HIBCH: variants seen among roughly 807,000 people sequenced by gnomAD.
The protein encoded by HIBCH is 3-hydroxyisobutyryl-CoA hydrolase.
A neutral mutation model predicts 58.2 loss-of-function variants in HIBCH; 50 were observed. That is an observed-to-expected ratio of 0.86 (90% CI 0.68 to 1.09). The LOEUF is 1.09. Among genes scored for constraint, HIBCH ranks in the 50% least tolerant of loss-of-function variants. HIBCH has a pLI of 0.00. For missense variants in HIBCH, 450 were observed against 449.7 expected, an observed-to-expected ratio of 1.00 and a Z score of -0.01; for synonymous variants, 151 against 146.9, an observed-to-expected ratio of 1.03 and a Z score of -0.20.
At chr2:190,299,504 T>TAG (rs1553506570) in intron 2 of HIBCH, among the ~76,000 whole-genome samples, 2 of 151,442 alleles carry the variant, frequency 1.3e-5, no homozygotes, top group South Asian at 4.2e-4. Flanking sequence ...CAAAGTCTGA[T>TAG]ACACACACAC....
chr2:190,202,300 C>T (rs539719164), downstream of HIBCH: 2 of 167,140 alleles, frequency 1.2e-5, no homozygotes, highest in Admixed American at 1.3e-4. Flanking sequence ...TACAATATTT[C>T]TGAAACACTT....
chr2:190,194,687 T>C (rs1421096904), intron 1 of HIBCH, among the ~76,000 whole-genome samples: 2 of 152,230 alleles, frequency 1.3e-5, no homozygotes, highest in Non-Finnish European at 2.9e-5. Flanking sequence ...TTCCACCTAT[T>C]CATCTCAGCC....
intron 1 of HIBCH, among the ~76,000 whole-genome samples, chr2:190,314,628 G>A (rs1005264373): frequency 9.2e-5 from 14 of 151,704 alleles, no homozygotes; most frequent in Admixed American, 2.6e-4. Flanking sequence ...GCAGGCATGC[G>A]TCACCACACC....
At chr2:190,258,320 T>C (rs896596939) in intron 7 of HIBCH, among the ~76,000 whole-genome samples, 1 of 152,162 alleles carries the variant, frequency 6.6e-6, no homozygotes, top group Non-Finnish European at 1.5e-5. Context: ...CCTCTTTTCT[T>C]CATAAATTAC....
At chr2:190,258,099 G>A (rs1229148502) in intron 7 of HIBCH, among the ~76,000 whole-genome samples, 12 of 152,186 alleles carry the variant, frequency 7.9e-5, no homozygotes, top group African/African-American at 2.4e-4. Flanking sequence ...GGGTCATGGG[G>A]GCAGATTTCC....
intron 1 of HIBCH, among the ~76,000 whole-genome samples, chr2:190,191,660 A>G (rs1023847023): frequency 6.6e-6 from 1 of 152,176 alleles, no homozygotes; most frequent in Non-Finnish European, 1.5e-5. Flanking sequence ...TACCCATTCT[A>G]ACAGCTACAT....
chr2:190,224,450 C>T (rs1017179364), intron 11 of HIBCH, among the ~76,000 whole-genome samples: 2 of 151,916 alleles, frequency 1.3e-5, no homozygotes, highest in Non-Finnish European at 2.9e-5. Context: ...ATCTACCAAG[C>T]AAATGGAAAA....
In HIBCH at chr2:190,210,710, C is replaced by T. The variant is rs1304212300; in HGVS notation, c.1012-1797G>A. On this transcript the variant is annotated intron_variant, in intron 12 of 13. Coordinates refer to ENST00000359678, the MANE Select transcript of HIBCH (RefSeq NM_014362.4). The surrounding 1 kb of genome is among the most constrained non-coding windows in gnomAD (Gnocchi z 5.5). ...CTCACCACAACCTCTGCCCCCCATC[C>T]GCTTCCACACGGCCTCTTTGTGGTC... Among the ~76,000 whole-genome samples, 2 of 152,104 alleles carry T rather than the reference C, an allele frequency of 1.3e-5. No individual in the cohort carries two copies. Among genetic ancestry groups the T allele is most frequent in the Admixed American group, 6.5e-5 (1 of 15,274 alleles).
intron 2 of HIBCH, among the ~76,000 whole-genome samples, chr2:190,305,792 G>A (rs2124848132): frequency 6.6e-6 from 1 of 152,072 alleles, no homozygotes; most frequent in Middle Eastern, 3.4e-3. Flanking sequence ...ATAAAGTCAG[G>A]TAATAAAATA....
intron 2 of HIBCH, among the ~76,000 whole-genome samples, chr2:190,299,064 A>G (rs1688189503): frequency 1.3e-5 from 2 of 152,188 alleles, no homozygotes; most frequent in Non-Finnish European, 2.9e-5. Context: ...TTCTTAACAC[A>G]TTCCTTTATG....
chr2:190,311,422 C>T (rs969618088), intron 1 of HIBCH, among the ~76,000 whole-genome samples: 2 of 152,126 alleles, frequency 1.3e-5, no homozygotes, highest in Non-Finnish European at 1.5e-5. Flanking sequence ...TTTCCATCAA[C>T]TTATAACTAC....
chr2:190,311,823 A>G (rs1193762283), intron 1 of HIBCH, among the ~76,000 whole-genome samples: 1 of 152,352 alleles, frequency 6.6e-6, no homozygotes, highest in South Asian at 2.1e-4. Context: ...AGCAGGCTAC[A>G]AAACAATAAA....
chr2:190,202,877 G>A (rs764743731), downstream of HIBCH: 10 of 167,010 alleles, frequency 6.0e-5, no homozygotes, highest in East Asian at 3.9e-4. Context: ...CCCAGTTGTC[G>A]CTTATGTACT....
intron 4 of HIBCH, among the ~76,000 whole-genome samples, chr2:190,293,270 G>A (rs981603775): frequency 2.9e-5 from 4 of 139,144 alleles, no homozygotes; most frequent in Non-Finnish European, 6.1e-5. Context: ...TGGCCAACAT[G>A]GTGAAACCCT....
intron 6 of HIBCH, among the ~76,000 whole-genome samples, chr2:190,272,360 T>C (rs1687421519): frequency 6.6e-6 from 1 of 152,216 alleles, no homozygotes; most frequent in Admixed American, 6.5e-5. Flanking sequence ...AATGAGCCTC[T>C]AGTTAGTTTC....
chr2:190,221,636 C>T (rs943586573), intron 11 of HIBCH, among the ~76,000 whole-genome samples: 1 of 152,156 alleles, frequency 6.6e-6, no homozygotes, highest in Non-Finnish European at 1.5e-5. Flanking sequence ...AACACACATT[C>T]CTGTTTTCCT....
chr2:190,210,332 C>A lies in HIBCH; in HGVS notation c.1012-1419G>T, dbSNP rs1690488411. ...TCAACACTGTCCATTACACCCTCCT[C>A]CCCGAAACATTCCTCACTTTCTTTT... On this transcript the variant is annotated intron_variant, in intron 12 of 13. Transcript: ENST00000359678. The surrounding 1 kb of genome is among the most constrained non-coding windows in gnomAD (Gnocchi z 5.5). Among the ~76,000 whole-genome samples the A allele has an allele frequency of 1.3e-5, 2 of 152,190 alleles. No individual in the cohort carries two copies. The highest frequency in any genetic ancestry group is 4.8e-5 in the African/African-American group (2 of 41,448).
chr2:190,276,304 T>C (rs1687549887), intron 6 of HIBCH, among the ~76,000 whole-genome samples: 2 of 152,208 alleles, frequency 1.3e-5, no homozygotes, highest in African/African-American at 2.4e-5. Context: ...ACTCCGCTCA[T>C]CAAACAAGGG....
At chr2:190,198,865 G>A (rs1370922620) in intron 1 of HIBCH, among the ~76,000 whole-genome samples, 1 of 152,074 alleles carries the variant, frequency 6.6e-6, no homozygotes, top group African/African-American at 2.4e-5. Context: ...CACTTGGGAG[G>A]CTTAGAAGGC....
Sources: gnomAD v4.1 joint callset for allele counts (sites outside exome capture counted in the v4.1 genomes callset) on GRCh38, gnomAD v4.1.1 for gene constraint, Gnocchi (gnomAD v3.1) non-coding constraint, MANE v1.5 for transcripts, NCBI Gene and HGNC (gene_info 2026-07-23, HGNC 2026-07-21) for gene names.